The following FAM53B variants were observed in gnomAD, a reference collection of about 807,000 sequenced individuals.
The protein encoded by FAM53B is family with sequence similarity 53 member B.
In FAM53B, 12 loss-of-function variants were observed where a neutral mutation model predicts 32.7. The observed-to-expected ratio is 0.37, with a 90% CI of 0.24 to 0.59. FAM53B has a LOEUF of 0.59. Among genes scored for constraint, FAM53B ranks in the 20% least tolerant of loss-of-function variants. The pLI is 0.72. For synonymous variants in FAM53B, 234 were observed against 228.7 expected, an observed-to-expected ratio of 1.02 and a Z score of -0.21; for missense variants, 477 against 577.7, an observed-to-expected ratio of 0.83 and a Z score of 1.79.
chr10:124,683,681 C>A (rs1351308515), intron 3 of FAM53B, among the ~76,000 whole-genome samples: 1 of 152,128 alleles, frequency 6.6e-6, no homozygotes, highest in South Asian at 2.1e-4. Flanking sequence ...TTAGTCAGGC[C>A]CCAGAGCGCA....
At position 124,621,941 on chromosome 10, in the gene FAM53B, C is replaced by T. The variant is rs1194715657; in HGVS notation, c.*1301G>A. Reference sequence around the variant, plus strand: ...AGCCAGATTCCCATAGAGCAGAGCCCATGTGGTGGTGTCTGCAAGGCAGCC... The same window carrying T: ...AGCCAGATTCCCATAGAGCAGAGCCTATGTGGTGGTGTCTGCAAGGCAGCC... On this transcript the variant is annotated 3_prime_UTR_variant, in exon 5 of 5. Coordinates refer to ENST00000337318, the MANE Select transcript of FAM53B (RefSeq NM_014661.4). 6.6e-6 allele frequency: 1 copy of T among 152,468 alleles called. No homozygotes were observed. Among genetic ancestry groups the T allele is most frequent in the Non-Finnish European group, 1.5e-5 (1 of 68,064 alleles). The allele number at this position is 152,468 out of a possible 1,614,324, so 9.4% of individuals were successfully genotyped here. A position where few individuals can be genotyped will look rare whatever the true frequency, so the allele number is the denominator to read the frequency against.
chr10:124,683,605 C>T (rs551643960), intron 3 of FAM53B, among the ~76,000 whole-genome samples: 1 of 152,256 alleles, frequency 6.6e-6, no homozygotes, highest in Admixed American at 6.5e-5. Context: ...GAGACCAAGG[C>T]TTGGGGGACA....
At chr10:124,732,169 C>T (rs923367274) in intron 1 of FAM53B, among the ~76,000 whole-genome samples, 1 of 152,222 alleles carries the variant, frequency 6.6e-6, no homozygotes, top group Non-Finnish European at 1.5e-5. Flanking sequence ...AGCAGCCAGC[C>T]ACACAGGGAA....
At chr10:124,715,064 C>T (rs1950031027) in intron 1 of FAM53B, among the ~76,000 whole-genome samples, 1 of 152,222 alleles carries the variant, frequency 6.6e-6, no homozygotes, top group Non-Finnish European at 1.5e-5. Flanking sequence ...CCCCACTACT[C>T]CAAGACCTGT....
At chr10:124,647,226 T>C (rs1949522538) in intron 4 of FAM53B, among the ~76,000 whole-genome samples, 1 of 152,106 alleles carries the variant, frequency 6.6e-6, no homozygotes, top group African/African-American at 2.4e-5. Flanking sequence ...GCTCTCAAGT[T>C]TATTACTAGA....
rs747329227 is a variant in FAM53B at position 124,623,506 on chromosome 10, G to T, written c.1005C>A (p.Ala335=). The T allele has an allele frequency of 1.9e-6, 3 of 1,593,670 alleles. No homozygotes were observed. The highest frequency in any genetic ancestry group is 1.7e-4 in the Middle Eastern group (1 of 6,020). Residue 335 remains alanine (A), a synonymous_variant, in exon 5 of 5, where the codon GCC becomes GCA. Transcript: ENST00000337318. ...CGGAGGCTGAGAGCAGGGCGGTCCAGGCCCTGGTGTTGCTGACGTGGCGGG... is the reference window on the plus strand; with the variant it reads ...CGGAGGCTGAGAGCAGGGCGGTCCATGCCCTGGTGTTGCTGACGTGGCGGG... ...PFARHVSNTR[A]WTALLSASGP...
chr10:124,743,795 C>T (rs1268938672), intron 1 of FAM53B, among the ~76,000 whole-genome samples: 3 of 151,776 alleles, frequency 2.0e-5, no homozygotes, highest in African/African-American at 7.3e-5. Context: ...GGGGCGAGAC[C>T]GAGCGCCCGG....
chr10:124,737,746 C>T (rs753472688), intron 1 of FAM53B, among the ~76,000 whole-genome samples: 3 of 152,142 alleles, frequency 2.0e-5, no homozygotes, highest in Non-Finnish European at 2.9e-5. Flanking sequence ...TCTGAGCTGA[C>T]AGAGTGACAT....
intron 1 of FAM53B, among the ~76,000 whole-genome samples, chr10:124,737,861 G>A (rs1180906115): frequency 6.6e-6 from 1 of 152,202 alleles, no homozygotes; most frequent in Admixed American, 6.5e-5. Flanking sequence ...AGGGGCACAC[G>A]GTATGCCAAA....
chr10:124,676,614 T>G (rs917994503), intron 4 of FAM53B, among the ~76,000 whole-genome samples: 1 of 17,216 alleles, frequency 5.8e-5, no homozygotes, highest in South Asian at 7.6e-3. Context: ...AAGTGGAAGC[T>G]GGCTGGGGGG....
At chr10:124,664,422 T>A (rs960782088) in intron 4 of FAM53B, among the ~76,000 whole-genome samples, 1 of 152,200 alleles carries the variant, frequency 6.6e-6, no homozygotes, top group African/African-American at 2.4e-5. Context: ...ACAGGTCAGC[T>A]TGGGGAGCTT....
intron 4 of FAM53B, among the ~76,000 whole-genome samples, chr10:124,632,232 G>C (rs929826121): frequency 6.6e-6 from 1 of 152,270 alleles, no homozygotes; most frequent in African/African-American, 2.4e-5. Context: ...AGAAGGTGTG[G>C]GAGCTGACGC....
intron 1 of FAM53B, among the ~76,000 whole-genome samples, chr10:124,713,222 T>C (rs921057240): frequency 2.6e-5 from 4 of 152,340 alleles, no homozygotes; most frequent in Non-Finnish European, 5.9e-5. Flanking sequence ...GTTGGTAGTA[T>C]GCACATTTTC....
rs1291279746 is a variant in FAM53B, at chr10:124,733,788, C to T, written c.-175+10225G>A. 2.0e-5 allele frequency among the ~76,000 whole-genome samples: 3 copies of T among 152,244 alleles called. No homozygotes were observed. Among genetic ancestry groups the T allele is most frequent in the African/African-American group, 7.2e-5 (3 of 41,472 alleles). ...GTCACTCCAAGGTCAAAAGGCTGGG[C>T]CCCTGGGCAGTGTCACCCCGAAGGT... On this transcript the variant is annotated intron_variant, in intron 1 of 4. Transcript: ENST00000337318. The surrounding 1 kb of genome is among the most constrained non-coding windows in gnomAD (Gnocchi z 4.3).
rs939522990 is a variant in FAM53B at position 124,622,472 on chromosome 10, A to T, written c.*770T>A. ...CCAACGGTGGCAGAGCCATGGGGTC[A>T]GCCTCTCCATGCTGTAGGAGAGGCA... On this transcript the variant is annotated 3_prime_UTR_variant, in exon 5 of 5. Transcript: ENST00000337318. 7 of 152,212 alleles carry T rather than the reference A, an allele frequency of 4.6e-5. No homozygotes were observed. The highest frequency in any genetic ancestry group is 1.7e-4 in the African/African-American group (7 of 41,444). The allele number at this position is 152,212 out of a possible 1,614,324, so 9.4% of individuals were successfully genotyped here. A position where few individuals can be genotyped will look rare whatever the true frequency, so the allele number is the denominator to read the frequency against.
At chr10:124,700,209 G>C (rs1949906088) in intron 2 of FAM53B, among the ~76,000 whole-genome samples, 1 of 152,228 alleles carries the variant, frequency 6.6e-6, no homozygotes, top group South Asian at 2.1e-4. Context: ...CAGAGTTCCT[G>C]CTTGGCTCTA....
chr10:124,681,610 T>C lies in FAM53B; in HGVS notation c.903A>G (p.Ala301=). 1 of 1,591,376 alleles carries C rather than the reference T, an allele frequency of 6.3e-7. No individual in the cohort carries two copies. The highest frequency in any genetic ancestry group is 1.7e-5 in the Admixed American group (1 of 58,778). Residue 301 remains alanine (A), a synonymous_variant, in exon 4 of 5, where the codon GCA becomes GCG. Coordinates refer to ENST00000337318, the MANE Select transcript of FAM53B (RefSeq NM_014661.4). ...QRPSLDLAKM[A]QNCQTFSSLS... Reference sequence around the variant, plus strand: ...TCCAGGCTGCTGGGGCTCTTACCTGTGCCATCTTGGCAAGGTCTAGAGAAG... The same window carrying C: ...TCCAGGCTGCTGGGGCTCTTACCTGCGCCATCTTGGCAAGGTCTAGAGAAG...
chr10:124,676,106 C>T (rs1231502625), intron 4 of FAM53B, among the ~76,000 whole-genome samples: 1 of 152,246 alleles, frequency 6.6e-6, no homozygotes, highest in African/African-American at 2.4e-5. Context: ...GTCTTACAGG[C>T]TCTCTTCCTT....
At chr10:124,727,946 A>G (rs567523452) in intron 1 of FAM53B, among the ~76,000 whole-genome samples, 25 of 152,344 alleles carry the variant, frequency 1.6e-4, no homozygotes, top group African/African-American at 5.8e-4. Flanking sequence ...CTTGTAAAGC[A>G]TCATATGAGA....
Sources: allele counts gnomAD v4.1 joint callset (sites outside exome capture counted in the v4.1 genomes callset), GRCh38; gene constraint gnomAD v4.1.1; non-coding constraint Gnocchi (gnomAD v3.1); transcripts MANE v1.5; gene names NCBI Gene and HGNC (gene_info 2026-07-23, HGNC 2026-07-21).